Variants in SCAPER observed in about 807,000 individuals in gnomAD.
SCAPER encodes the protein S-phase cyclin A associated protein in the ER, also known as S phase cyclin A-associated protein in the endoplasmic reticulum.
A neutral mutation model predicts 182.2 loss-of-function variants in SCAPER; 98 were observed. The ratio of observed to expected loss-of-function variants is 0.54; its 90% CI spans 0.46 to 0.64. The LOEUF is 0.64. SCAPER is among the 30% of genes least tolerant of loss of function. The probability of loss-of-function intolerance (pLI) is 0.00; values close to 1 mark genes in which losing one functional copy is unlikely to be tolerated. For missense variants in SCAPER, 1,432 were observed against 1,690.0 expected, an observed-to-expected ratio of 0.85 and a Z score of 2.68; for synonymous variants, 605 against 564.6, an observed-to-expected ratio of 1.07 and a Z score of -1.01.
chr15:76,710,307 A>T (rs887165016), intron 17 of SCAPER, among the ~76,000 whole-genome samples: 3 of 152,172 alleles, frequency 2.0e-5, no homozygotes, highest in African/African-American at 7.2e-5. Context: ...AAACCTATCC[A>T]AACTAATACA....
rs565223022 is a variant in SCAPER at position 76,890,187 on chromosome 15, T to C, written c.-59-6311A>G. Among the ~76,000 whole-genome samples the C allele has an allele frequency of 2.8e-3, 426 of 152,306 alleles. 1 individual carries two copies. The highest frequency in any genetic ancestry group is 9.9e-3 in the African/African-American group (412 of 41,558). On this transcript the variant is annotated intron_variant, in intron 1 of 31. Coordinates refer to ENST00000563290, the MANE Select transcript of SCAPER (RefSeq NM_020843.4). ...AACACAGTGGGTAGAGGGAAATTTA[T>C]AGCACTAAATGCCCACAAGAGAAAG...
intron 2 of SCAPER, among the ~76,000 whole-genome samples, chr15:76,864,568 G>A (rs1472494730): frequency 6.6e-6 from 1 of 151,922 alleles, no homozygotes; most frequent in Admixed American, 6.6e-5. Context: ...TGAAGAAAAA[G>A]CAATACATTA....
At chr15:76,857,448 T>A (rs1312316599) in intron 4 of SCAPER, among the ~76,000 whole-genome samples, 4 of 139,550 alleles carry the variant, frequency 2.9e-5, no homozygotes, top group Non-Finnish European at 6.3e-5. Flanking sequence ...AAAAAAAAGT[T>A]AAAAAAAAAA....
At chr15:76,496,818 A>T (rs1346433254) in intron 24 of SCAPER, among the ~76,000 whole-genome samples, 1 of 152,210 alleles carries the variant, frequency 6.6e-6, no homozygotes, top group Non-Finnish European at 1.5e-5. Context: ...TGAGGACACA[A>T]GGAAGGCTCT....
chr15:76,828,215 G>T (rs1252840736), intron 5 of SCAPER, among the ~76,000 whole-genome samples: 1 of 150,380 alleles, frequency 6.6e-6, no homozygotes, highest in East Asian at 1.9e-4. Flanking sequence ...GATAAGATTT[G>T]TATATATTTA....
At chr15:76,890,332 G>A (rs2074092606) in intron 1 of SCAPER, among the ~76,000 whole-genome samples, 1 of 152,026 alleles carries the variant, frequency 6.6e-6, no homozygotes, top group Admixed American at 6.6e-5. Flanking sequence ...CAGAACTGAA[G>A]GAAATAGAGA....
chr15:76,698,644 A>C (rs1394702122), intron 20 of SCAPER, among the ~76,000 whole-genome samples: 1 of 152,226 alleles, frequency 6.6e-6, no homozygotes, highest in African/African-American at 2.4e-5. Flanking sequence ...TAGTGAGCTG[A>C]GGAGACAGAA....
intron 23 of SCAPER, among the ~76,000 whole-genome samples, chr15:76,554,538 T>C (rs1019256371): frequency 2.0e-5 from 3 of 152,192 alleles, no homozygotes; most frequent in Non-Finnish European, 4.4e-5. Flanking sequence ...AGTCATCAGA[T>C]TCTCCAAGTA....
chr15:76,449,924 G>A (rs925286917), intron 25 of SCAPER, among the ~76,000 whole-genome samples: 1 of 152,066 alleles, frequency 6.6e-6, no homozygotes, highest in African/African-American at 2.4e-5. Context: ...AGAAGTTGGC[G>A]ATTATTTTTT....
intron 5 of SCAPER, among the ~76,000 whole-genome samples, chr15:76,836,778 G>A (rs1161508370): frequency 6.6e-6 from 1 of 152,136 alleles, no homozygotes; most frequent in Non-Finnish European, 1.5e-5. Flanking sequence ...GGAGGCTGAG[G>A]CAGGAGAATG....
At chr15:76,606,335 G>C (rs952126914) in intron 22 of SCAPER, among the ~76,000 whole-genome samples, 3 of 152,210 alleles carry the variant, frequency 2.0e-5, no homozygotes, top group Non-Finnish European at 2.9e-5. Flanking sequence ...GCGGTTTTGA[G>C]TGAGTTTCTT....
At chr15:76,469,031 C>G (rs1280702315) in intron 25 of SCAPER, among the ~76,000 whole-genome samples, 1 of 152,138 alleles carries the variant, frequency 6.6e-6, no homozygotes, top group Non-Finnish European at 1.5e-5. Context: ...TGTTTATAAG[C>G]CATCCAGTCT....
intron 6 of SCAPER, 86 bp downstream of exon 6, chr15:76,804,447 A>G (rs2065999411): frequency 1.2e-6 from 1 of 804,512 alleles, no homozygotes; most frequent in South Asian, 1.9e-5. Context: ...TTTCAACTCA[A>G]TATGAGGTTA....
intron 3 of SCAPER, chr15:76,861,910 G>C: frequency 6.6e-6 from 1 of 152,232 alleles, no homozygotes; most frequent in East Asian, 1.9e-4. Context: ...GGGCAAGCAA[G>C]GCGCCTTCTT....
intron 2 of SCAPER, among the ~76,000 whole-genome samples, chr15:76,876,042 C>T (rs1238923984): frequency 6.6e-6 from 1 of 152,204 alleles, no homozygotes; most frequent in Non-Finnish European, 1.5e-5. Context: ...TGCTGGGGGA[C>T]CCAGCGCACC....
At chr15:76,721,058 G>T (rs2150963802) in intron 17 of SCAPER, among the ~76,000 whole-genome samples, 1 of 152,230 alleles carries the variant, frequency 6.6e-6, no homozygotes, top group Admixed American at 6.5e-5. Flanking sequence ...TATGGTTTTA[G>T]GTCTAACCTT....
chr15:76,797,675 A>G (rs949362571), intron 7 of SCAPER: 1 of 152,214 alleles, frequency 6.6e-6, no homozygotes, highest in Non-Finnish European at 1.5e-5. Context: ...GGCTCAAGGT[A>G]TTTAAGGAAA....
At chr15:76,901,718 T>C (rs562350715) in intron 1 of SCAPER, among the ~76,000 whole-genome samples, 234 of 95,304 alleles carry the variant, frequency 2.5e-3, no homozygotes, top group African/African-American at 8.2e-3. Context: ...AAATAATTTC[T>C]AATAATTTTT....
At chr15:76,536,562 T>G (rs1310891041) in intron 23 of SCAPER, among the ~76,000 whole-genome samples, 2 of 152,202 alleles carry the variant, frequency 1.3e-5, no homozygotes, top group Non-Finnish European at 2.9e-5. Context: ...TATTGTTCAC[T>G]GACAAAACAT....
Sources: gnomAD v4.1 joint callset for allele counts (sites outside exome capture counted in the v4.1 genomes callset) on GRCh38, gnomAD v4.1.1 for gene constraint, MANE v1.5 for transcripts, NCBI Gene and HGNC (gene_info 2026-07-23, HGNC 2026-07-21) for gene names.